The following FRY variants were observed in gnomAD, a reference collection of about 807,000 sequenced individuals.
The protein encoded by FRY is protein furry homolog.
FRY carries 128 observed loss-of-function variants against 348.4 expected under a neutral mutation model. That is an observed-to-expected ratio of 0.37 (90% CI 0.32 to 0.43). The LOEUF (loss-of-function observed/expected upper bound fraction) is 0.43, where lower values mean the gene tolerates loss of function less well. FRY is among the 20% of genes least tolerant of loss of function. The pLI is 1.00. For missense variants in FRY, 2,736 were observed against 3,695.2 expected (o/e 0.74, Z 6.73); for synonymous variants, 1,370 against 1,374.7 (o/e 1.00, Z 0.08).
At position 32,297,949 on chromosome 13, in the gene FRY, A is replaced by T. The variant is rs1177475241; in HGVS notation, c.*2489A>T. On this transcript the variant is annotated 3_prime_UTR_variant, in exon 61 of 61. Transcript: ENST00000542859. ...CCACCTGCAGAATAAAGCAATCCAGACAGGCGCTCTGTAACTTAGACATCA... is the reference window on the plus strand; with the variant it reads ...CCACCTGCAGAATAAAGCAATCCAGTCAGGCGCTCTGTAACTTAGACATCA... The T allele has an allele frequency of 6.6e-6, 1 of 152,216 alleles. No individual in the cohort carries two copies. The highest frequency in any genetic ancestry group is 1.5e-5 in the Non-Finnish European group (1 of 68,042). 9.4% of individuals were successfully genotyped at this position (152,216 alleles called of 1,614,324 possible).
intron 56 of FRY, among the ~76,000 whole-genome samples, chr13:32,275,800 G>A (rs575198984): frequency 3.3e-5 from 5 of 152,272 alleles, no homozygotes; most frequent in African/African-American, 9.6e-5. Flanking sequence ...TCTGGCTGAC[G>A]GTAATTCATG....
rs1048945882 is a variant in FRY, at chr13:32,264,275, A to G, written c.7780-1175A>G. Among the ~76,000 whole-genome samples, 8 of 151,988 alleles carry G rather than the reference A, an allele frequency of 5.3e-5. No homozygotes were observed. In the South Asian group the frequency reaches 1.5e-3, roughly 28 times the overall value. On this transcript the variant is annotated intron_variant, in intron 53 of 60. Transcript: ENST00000542859. ...AGTTTTAAAAAGCAAATATGGATAA[A>G]CCTCTCAAACTCAGTATTTACCAGC...
rs1276554411 is a variant in FRY at position 32,209,679 on chromosome 13, A to C, written c.4370A>C (p.Gln1457Pro). 1 of 1,614,138 alleles carries C rather than the reference A, an allele frequency of 6.2e-7. No individual in the cohort carries two copies. Residue 1457 changes from glutamine (Q) to proline (P), a missense_variant, in exon 33 of 61, where the codon CAG (glutamine) becomes CCG (proline). Gln to Pro is a moderately conservative substitution (Grantham distance 76, BLOSUM62 -1). Coordinates refer to ENST00000542859, the MANE Select transcript of FRY (RefSeq NM_023037.3). ...AGCAACAACCTGAGGATCACCTTGC[A>C]GTTCCTGATTAGCCTCTGTGGGGTC... Reference protein sequence around the residue: ...KWSNNLRITLQFLISLCGVSS... With the variant: ...KWSNNLRITLPFLISLCGVSS...
chr13:32,194,726 A>G (rs1433378613), intron 29 of FRY, among the ~76,000 whole-genome samples: 2 of 152,238 alleles, frequency 1.3e-5, no homozygotes, highest in East Asian at 1.9e-4. Flanking sequence ...CAGAAAGGAA[A>G]AAAAGAAAAG....
intron 1 of FRY, among the ~76,000 whole-genome samples, chr13:32,057,936 G>A (rs1355821648): frequency 2.6e-5 from 4 of 150,964 alleles, no homozygotes; most frequent in Non-Finnish European, 5.9e-5. Flanking sequence ...CTCCAGCCTG[G>A]GCAACAGAGC....
intron 55 of FRY, among the ~76,000 whole-genome samples, chr13:32,268,500 A>C (rs1177617452): frequency 1.6e-4 from 3 of 19,006 alleles, no homozygotes; most frequent in Admixed American, 7.5e-4. Context: ...AAAAAAAAAA[A>C]AAAAAATATA....
In FRY at chr13:32,041,863, A is replaced by G. The variant is rs545075037; in HGVS notation, c.70+9998A>G. Reference sequence around the variant, plus strand: ...GGAAAGCTAATCCTAGTTCATGCCAATTGAGAGATCAATTTTTGAAGGTGT... The same window carrying G: ...GGAAAGCTAATCCTAGTTCATGCCAGTTGAGAGATCAATTTTTGAAGGTGT... On this transcript the variant is annotated intron_variant, in intron 1 of 60. Transcript: ENST00000542859. Among the ~76,000 whole-genome samples, 30 of 152,356 alleles carry G rather than the reference A, an allele frequency of 2.0e-4. No homozygotes were observed. In the Middle Eastern group the frequency reaches 0.01, roughly 52 times the overall value.
intron 55 of FRY, among the ~76,000 whole-genome samples, chr13:32,272,173 CTTTCTGCCTG>C (rs1888239540): frequency 6.6e-6 from 1 of 152,190 alleles, no homozygotes; most frequent in Non-Finnish European, 1.5e-5. Context: ...TTCAGACCTG[CTTTCTGCCTG>C]TTATGAATCA....
chr13:32,267,121 G>C (rs964512911), intron 54 of FRY, 49 bp from the exon 55 acceptor site: 1 of 1,517,668 alleles, frequency 6.6e-7, no homozygotes, highest in Non-Finnish European at 9.2e-7. Flanking sequence ...ACCCAGTATA[G>C]GATGAGAAGG....
intron 20 of FRY, 62 bp downstream of exon 20, chr13:32,175,694 C>A: frequency 1.0e-6 from 1 of 966,768 alleles, no homozygotes; most frequent in South Asian, 1.3e-5. Context: ...CTAAAATAGT[C>A]AGTGAAAAAT....
At chr13:32,216,227 T>G (rs1884980862) in intron 35 of FRY, among the ~76,000 whole-genome samples, 1 of 152,220 alleles carries the variant, frequency 6.6e-6, no homozygotes, top group South Asian at 2.1e-4. Flanking sequence ...TTGAAATTCT[T>G]TGAGGGACCA....
Position 32,234,067 on chromosome 13 carries a change from T to C in FRY, c.5528-507T>C, listed in dbSNP as rs115496979. On this transcript the variant is annotated intron_variant, in intron 41 of 60. Coordinates refer to ENST00000542859, the MANE Select transcript of FRY (RefSeq NM_023037.3). ...CAGTAGGCTGAGGCAGGAGGATTTC[T>C]TGGGCCCAGGAGTTCATGACCAGCC... 4.0e-3 allele frequency among the ~76,000 whole-genome samples: 586 copies of C among 148,166 alleles called. 2 individuals are homozygous for C. The highest frequency in any genetic ancestry group is 0.014 in the African/African-American group (550 of 40,608).
chr13:32,036,520 T>C (rs1372138716), intron 1 of FRY, among the ~76,000 whole-genome samples: 1 of 151,852 alleles, frequency 6.6e-6, no homozygotes, highest in Non-Finnish European at 1.5e-5. Context: ...TGAATAACAA[T>C]AACTGCCACT....
At position 32,239,313 on chromosome 13, in the gene FRY, T is replaced by C; in HGVS notation, c.6480T>C (p.Asn2160=). The change falls in exon 45 of 61, where the codon AAT becomes AAC. Residue 2160 remains asparagine, a synonymous_variant. Coordinates refer to ENST00000542859, the MANE Select transcript of FRY (RefSeq NM_023037.3). The surrounding 1 kb of genome is among the most constrained non-coding windows in gnomAD (Gnocchi z 4.3). ...PQLIQHFENP[N]QFCKDIAERI... ...TGATTCAGCATTTTGAAAATCCCAA[T>C]CAGTTCTGTAAGGATATAGCCGAAA... The C allele has an allele frequency of 1.2e-6, 2 of 1,611,348 alleles. No individual in the cohort carries two copies. The highest frequency in any genetic ancestry group is 1.7e-6 in the Non-Finnish European group (2 of 1,177,472).
chr13:32,278,168 TATTC>T, intron 57 of FRY, among the ~76,000 whole-genome samples: 1 of 152,206 alleles, frequency 6.6e-6, no homozygotes, highest in East Asian at 1.9e-4. Context: ...TAGCCATATA[TATTC>T]ATTTACACAT....
In FRY at chr13:32,185,152, C is replaced by T. The variant is rs752793720; in HGVS notation, c.3319+4C>T. 7 of 1,612,408 alleles carry T rather than the reference C, an allele frequency of 4.3e-6. No homozygotes were observed. Among genetic ancestry groups the T allele is most frequent in the Non-Finnish European group, 5.1e-6 (6 of 1,178,526 alleles). On this transcript the variant is annotated splice_donor_region_variant and intron_variant, in intron 26 of 60. Coordinates refer to ENST00000542859, the MANE Select transcript of FRY (RefSeq NM_023037.3). Reference sequence around the variant, plus strand: ...AACTTGATTCAGTGTGTTCCAGGTACGGTGATCCGTTACAAGAAATTACCA... The same window carrying T: ...AACTTGATTCAGTGTGTTCCAGGTATGGTGATCCGTTACAAGAAATTACCA...
At chr13:32,166,532 A>G (rs984759755) in intron 17 of FRY, among the ~76,000 whole-genome samples, 1 of 152,206 alleles carries the variant, frequency 6.6e-6, no homozygotes, top group African/African-American at 2.4e-5. Context: ...TCCCTTTTAG[A>G]TAGCTATTTT....
chr13:32,106,187 A>T (rs1438999975), intron 3 of FRY, among the ~76,000 whole-genome samples: 1 of 148,498 alleles, frequency 6.7e-6, no homozygotes, highest in Non-Finnish European at 1.5e-5. Flanking sequence ...TTAATATTAA[A>T]TATATCTATA....
chr13:32,037,743 C>T (rs1872591574), intron 1 of FRY, among the ~76,000 whole-genome samples: 1 of 152,200 alleles, frequency 6.6e-6, no homozygotes, highest in Non-Finnish European at 1.5e-5. Flanking sequence ...CCTAAACAGA[C>T]AGCTGTTTCA....
Sources: gnomAD v4.1 joint callset for allele counts (sites outside exome capture counted in the v4.1 genomes callset) on GRCh38, gnomAD v4.1.1 for gene constraint, Gnocchi (gnomAD v3.1) non-coding constraint, MANE v1.5 for transcripts, NCBI Gene and HGNC (gene_info 2026-07-23, HGNC 2026-07-21) for gene names.